NHSL1: variants seen among roughly 807,000 people sequenced by gnomAD.
The protein encoded by NHSL1 is NHS like 1, also known as NHS-like protein 1.
In NHSL1, 48 loss-of-function variants were observed where a neutral mutation model predicts 95.0. That is an observed-to-expected ratio of 0.51 (90% confidence interval 0.40 to 0.64). NHSL1 has a LOEUF of 0.64. NHSL1 is among the 30% of genes least tolerant of loss of function. The probability of loss-of-function intolerance (pLI) is 0.00; values close to 1 mark genes in which losing one functional copy is unlikely to be tolerated. For missense variants in NHSL1, 1,971 were observed against 2,077.7 expected, an observed-to-expected ratio of 0.95 and a Z score of 1.00; for synonymous variants, 783 against 833.9, an observed-to-expected ratio of 0.94 and a Z score of 1.05.
rs370719757 is a variant in NHSL1, at chr6:138,581,897, C to CTTT, written c.97-85529_97-85527dup. On this transcript the variant is annotated intron_variant, in intron 1 of 3. Coordinates refer to the NHSL1 transcript ENST00000491526. ...GATTTTGAGGTTCTACTTTTTCTTT[C>CTTT]TTTTTTTTTTTTTTTTTTGAGTCAG... 3.1e-4 allele frequency among the ~76,000 whole-genome samples: 39 copies of CTTT among 124,306 alleles called. No homozygotes were observed. In the East Asian group the frequency reaches 5.4e-3, roughly 17 times the overall value. 81.5% of individuals were successfully genotyped at this position (124,306 alleles called of 152,430 possible). A position where few individuals can be genotyped will look rare whatever the true frequency, so the allele number is the denominator to read the frequency against.
chr6:138,601,551 T>C (rs998498238), intron 1 of NHSL1, among the ~76,000 whole-genome samples: 1 of 152,306 alleles, frequency 6.6e-6, no homozygotes, highest in East Asian at 1.9e-4. Flanking sequence ...CGGTGGCTCA[T>C]GCCTGCAATC....
At chr6:138,544,899 A>G (rs759000470) in intron 1 of NHSL1, among the ~76,000 whole-genome samples, 2 of 151,938 alleles carry the variant, frequency 1.3e-5, no homozygotes, top group African/African-American at 4.8e-5. Context: ...ATGACGACAT[A>G]TACTCATATA....
At chr6:138,578,538 A>G (rs996448585) in intron 1 of NHSL1, among the ~76,000 whole-genome samples, 1 of 152,250 alleles carries the variant, frequency 6.6e-6, no homozygotes, top group Admixed American at 6.5e-5. Context: ...TTCTTCTAAT[A>G]TAAGAAGACC....
At chr6:138,466,238 T>C (rs1778373782) in intron 3 of NHSL1, among the ~76,000 whole-genome samples, 1 of 151,462 alleles carries the variant, frequency 6.6e-6, no homozygotes, top group Admixed American at 6.6e-5. Context: ...AGACAGGGTT[T>C]CACCATGTTA....
At chr6:138,428,200 G>C (rs1775388913) in intron 7 of NHSL1, among the ~76,000 whole-genome samples, 1 of 152,160 alleles carries the variant, frequency 6.6e-6, no homozygotes, top group Non-Finnish European at 1.5e-5. Context: ...TCTGTGGATG[G>C]CTATTATAAA....
chr6:138,470,957 T>TATCAC (rs574841300), intron 3 of NHSL1, among the ~76,000 whole-genome samples: 82 of 152,298 alleles, frequency 5.4e-4, no homozygotes, highest in Non-Finnish European at 9.1e-4. Flanking sequence ...TGTCATGACA[T>TATCAC]ATCACATCAT....
chr6:138,462,442 A>G (rs1353556377), intron 3 of NHSL1, among the ~76,000 whole-genome samples: 1 of 152,248 alleles, frequency 6.6e-6, no homozygotes, highest in East Asian at 1.9e-4. Context: ...GCCAGAGAAC[A>G]TCACCAAGCT....
chr6:138,530,848 G>T (rs935599901), intron 1 of NHSL1, among the ~76,000 whole-genome samples: 2 of 152,160 alleles, frequency 1.3e-5, no homozygotes, highest in Non-Finnish European at 2.9e-5. Flanking sequence ...ACCACATGTT[G>T]GGTAGGGTAT....
At chr6:138,498,076 C>T (rs559953492) in intron 1 of NHSL1, among the ~76,000 whole-genome samples, 2 of 152,182 alleles carry the variant, frequency 1.3e-5, no homozygotes, top group Non-Finnish European at 2.9e-5. Flanking sequence ...CCTGACTTAA[C>T]CCTCATTTGT....
At chr6:138,586,707 G>A (rs1346307876) in intron 1 of NHSL1, among the ~76,000 whole-genome samples, 1 of 152,178 alleles carries the variant, frequency 6.6e-6, no homozygotes, top group Non-Finnish European at 1.5e-5. Context: ...TAAAGGTAGT[G>A]GGGAGAGTGT....
At chr6:138,527,121 C>T (rs540941055) in intron 1 of NHSL1, among the ~76,000 whole-genome samples, 2 of 152,262 alleles carry the variant, frequency 1.3e-5, no homozygotes, top group South Asian at 2.1e-4. Flanking sequence ...AAATCCGAGC[C>T]GTCGCTCTTC....
chr6:138,588,555 C>T (rs1486749878), intron 1 of NHSL1, among the ~76,000 whole-genome samples: 2 of 152,176 alleles, frequency 1.3e-5, no homozygotes, highest in Non-Finnish European at 2.9e-5. Flanking sequence ...AGGTCATACC[C>T]CTCCAACAGC....
chr6:138,623,029 C>T (rs1335099949), intron 1 of NHSL1, among the ~76,000 whole-genome samples: 5 of 152,194 alleles, frequency 3.3e-5, no homozygotes, highest in Non-Finnish European at 7.3e-5. Context: ...GGCCCTGCAA[C>T]AGCCAGGCAT....
At chr6:138,615,673 G>C (rs748444647) in intron 1 of NHSL1, among the ~76,000 whole-genome samples, 1 of 152,224 alleles carries the variant, frequency 6.6e-6, no homozygotes, top group Non-Finnish European at 1.5e-5. Context: ...GGGTGTCCCC[G>C]TGTTAGCCAG....
chr6:138,590,072 A>G (rs147826942), intron 1 of NHSL1, among the ~76,000 whole-genome samples: 3,117 of 152,280 alleles, frequency 0.02, 41 homozygotes, highest in East Asian at 0.066. Flanking sequence ...ATCTCGGCTC[A>G]CTGCAACCTC....
intron 1 of NHSL1, among the ~76,000 whole-genome samples, chr6:138,631,664 A>G (rs1166851374): frequency 2.6e-5 from 4 of 152,144 alleles, no homozygotes; most frequent in Non-Finnish European, 4.4e-5. Context: ...GGCAGAATTC[A>G]TCACCTGCTA....
chr6:138,559,924 G>C (rs1783350988), intron 1 of NHSL1, among the ~76,000 whole-genome samples: 1 of 152,150 alleles, frequency 6.6e-6, no homozygotes, highest in African/African-American at 2.4e-5. Flanking sequence ...AATGTAAAGT[G>C]TATTTATTAC....
intron 2 of NHSL1, among the ~76,000 whole-genome samples, chr6:138,488,354 T>G (rs73573267): frequency 0.052 from 7,881 of 152,256 alleles, 697 homozygotes; most frequent in African/African-American, 0.18. Context: ...ACTGAAGTAT[T>G]CTTTGGGAAG....
chr6:138,477,233 A>G (rs564776085), intron 2 of NHSL1, among the ~76,000 whole-genome samples: 1 of 152,340 alleles, frequency 6.6e-6, no homozygotes, highest in South Asian at 2.1e-4. Flanking sequence ...AGAAGTCCAA[A>G]GCCCTTTTAA....
Sources: allele counts gnomAD v4.1 joint callset (sites outside exome capture counted in the v4.1 genomes callset), GRCh38; gene constraint gnomAD v4.1.1; transcripts MANE v1.5; gene names NCBI Gene and HGNC (gene_info 2026-07-23, HGNC 2026-07-21).